The following DLGAP4 variants were observed in gnomAD, a reference collection of about 807,000 sequenced individuals.
The protein encoded by DLGAP4 is disks large-associated protein 4.
DLGAP4 carries 18 observed loss-of-function variants against 86.9 expected under a neutral mutation model. That is an observed-to-expected ratio of 0.21 (90% CI 0.14 to 0.31). DLGAP4 has a LOEUF of 0.31. Among genes scored for constraint, DLGAP4 ranks in the 10% least tolerant of loss-of-function variants. The pLI, the probability that DLGAP4 is intolerant of heterozygous loss-of-function variation, is 1.00. For synonymous variants in DLGAP4, 548 were observed against 574.3 expected (o/e 0.95, Z 0.65); for missense variants, 1,085 against 1,362.6 (o/e 0.80, Z 3.21).
chr20:36,320,105 CG>C (rs2065151790), intron 1 of DLGAP4, among the ~76,000 whole-genome samples: 1 of 146,882 alleles, frequency 6.8e-6, no homozygotes, highest in African/African-American at 2.6e-5. Flanking sequence ...CCCTCTGTGT[CG>C]CATTCCCCTA....
chr20:36,409,109 C>T (rs1028531913), intron 2 of DLGAP4, among the ~76,000 whole-genome samples: 4 of 143,644 alleles, frequency 2.8e-5, no homozygotes, highest in Non-Finnish European at 4.5e-5. Context: ...CATCTTGGCT[C>T]ACTGCAACCT....
At chr20:36,396,415 A>AC (rs1380093655) in intron 2 of DLGAP4, among the ~76,000 whole-genome samples, 1 of 19,846 alleles carries the variant, frequency 5.0e-5, no homozygotes, top group African/African-American at 1.6e-4. Context: ...CCACATACAC[A>AC]CACACACACC....
At chr20:36,454,404 A>T (rs2033826271) in intron 7 of DLGAP4, among the ~76,000 whole-genome samples, 2 of 152,146 alleles carry the variant, frequency 1.3e-5, no homozygotes, top group Admixed American at 1.3e-4. Context: ...TATATAATTA[A>T]ATTATGTCTA....
chr20:36,323,826 A>G (rs1311348217), intron 1 of DLGAP4, among the ~76,000 whole-genome samples: 2 of 152,172 alleles, frequency 1.3e-5, no homozygotes, highest in South Asian at 2.1e-4. Flanking sequence ...TCACAGTAGG[A>G]TTCGTACTCC....
At chr20:36,377,980 G>C (rs1318059043) in intron 2 of DLGAP4, among the ~76,000 whole-genome samples, 1 of 152,188 alleles carries the variant, frequency 6.6e-6, no homozygotes. Flanking sequence ...CTCGGGCCTG[G>C]TCCTTCCAGG....
intron 7 of DLGAP4, chr20:36,461,852 CTT>C (rs1275206762): frequency 2.0e-6 from 2 of 984,008 alleles, no homozygotes; most frequent in Non-Finnish European, 2.4e-6. Flanking sequence ...CTCGCTGTCT[CTT>C]TGTCTCTGCC....
At chr20:36,346,581 G>A (rs905314463) in intron 1 of DLGAP4, among the ~76,000 whole-genome samples, 33 of 152,094 alleles carry the variant, frequency 2.2e-4, no homozygotes, top group African/African-American at 7.5e-4. Context: ...TGTGGGATGA[G>A]CTGGTAGATG....
At chr20:36,504,292 C>T (rs1437499930) in intron 10 of DLGAP4, among the ~76,000 whole-genome samples, 1 of 152,110 alleles carries the variant, frequency 6.6e-6, no homozygotes, top group South Asian at 2.1e-4. Flanking sequence ...GCTGTGTCTG[C>T]GAATTTTCCT....
intron 2 of DLGAP4, among the ~76,000 whole-genome samples, chr20:36,387,773 G>A (rs570298673): frequency 2.6e-5 from 4 of 152,232 alleles, no homozygotes; most frequent in South Asian, 2.1e-4. Flanking sequence ...TCACTGATTT[G>A]AAATACCATC....
At chr20:36,516,527 G>C (rs143557124) in intron 10 of DLGAP4, among the ~76,000 whole-genome samples, 1 of 151,876 alleles carries the variant, frequency 6.6e-6, no homozygotes, top group Non-Finnish European at 1.5e-5. Context: ...TTAGCGGGGC[G>C]TGGTGGCGTG....
At chr20:36,509,279 A>G (rs1406676741) in intron 10 of DLGAP4, among the ~76,000 whole-genome samples, 1 of 152,048 alleles carries the variant, frequency 6.6e-6, no homozygotes, top group Non-Finnish European at 1.5e-5. Flanking sequence ...AAATTTAAAA[A>G]TAAACAATTG....
intron 2 of DLGAP4, among the ~76,000 whole-genome samples, chr20:36,370,914 G>A (rs940642052): frequency 6.6e-6 from 1 of 152,080 alleles, no homozygotes; most frequent in Non-Finnish European, 1.5e-5. Context: ...CTGGATGGGG[G>A]GCCAAACTGC....
At chr20:36,364,505 G>A (rs1555894481) in intron 1 of DLGAP4, among the ~76,000 whole-genome samples, 1 of 152,114 alleles carries the variant, frequency 6.6e-6, no homozygotes, top group African/African-American at 2.4e-5. Flanking sequence ...CCATTTTTGA[G>A]CATTTTCATT....
chr20:36,378,387 TATC>T (rs1433281101), intron 2 of DLGAP4, among the ~76,000 whole-genome samples: 9 of 152,224 alleles, frequency 5.9e-5, no homozygotes, highest in African/African-American at 2.2e-4. Context: ...TCATCCTTGT[TATC>T]ATTATTATTT....
intron 1 of DLGAP4, among the ~76,000 whole-genome samples, chr20:36,310,344 C>T (rs2065043661): frequency 6.6e-6 from 1 of 152,160 alleles, no homozygotes; most frequent in African/African-American, 2.4e-5. Flanking sequence ...GTGGCCACTC[C>T]TGAGTGGGCC....
Position 36,499,696 on chromosome 20 carries a change from C to T in DLGAP4, c.2099+20C>T, listed in dbSNP as rs771489899. On this transcript the variant is annotated intron_variant, in intron 9 of 12. Transcript: ENST00000339266. The stretch of plus-strand genomic sequence containing the variant: ...CTGGCGGTAAGTCGGACAGAGGTGG[C>T]GGCTGCTTCTCCCCTCTCCTCTCCC... The T allele has an allele frequency of 3.7e-6, 6 of 1,603,428 alleles. No individual in the cohort carries two copies. Among genetic ancestry groups the T allele is most frequent in the South Asian group, 1.1e-5 (1 of 89,840 alleles).
chr20:36,313,549 G>C lies in DLGAP4; in HGVS notation c.-304+7037G>C, dbSNP rs929942455. ...AGCTTTGCAGTGACAGCTCTGGGGT[G>C]GGGGGGGGTCACCTGCAATTGGAGA... On this transcript the variant is annotated intron_variant, in intron 1 of 12. Transcript: ENST00000339266. Among the ~76,000 whole-genome samples the C allele has an allele frequency of 7.9e-4, 92 of 116,860 alleles. 2 individuals carry two copies. Among genetic ancestry groups the C allele is most frequent in the Non-Finnish European group, 1.2e-3 (66 of 56,044 alleles). The allele number at this position is 116,860 out of a possible 152,430, so 76.7% of individuals were successfully genotyped here.
At chr20:36,404,535 T>C (rs1366143133) in intron 2 of DLGAP4, among the ~76,000 whole-genome samples, 1 of 152,114 alleles carries the variant, frequency 6.6e-6, no homozygotes, top group East Asian at 1.9e-4. Flanking sequence ...ATAGATTAGA[T>C]CCTATTTCAT....
intron 7 of DLGAP4, chr20:36,461,880 A>G (rs2147618862): frequency 6.1e-6 from 6 of 983,654 alleles, no homozygotes; most frequent in Non-Finnish European, 7.2e-6. Context: ...GCTCCTCCGC[A>G]GCCCCTCCCT....
Sources: gnomAD v4.1 joint callset for allele counts (sites outside exome capture counted in the v4.1 genomes callset) on GRCh38, gnomAD v4.1.1 for gene constraint, MANE v1.5 for transcripts, NCBI Gene and HGNC (gene_info 2026-07-23, HGNC 2026-07-21) for gene names.